Variants in SPAM1 observed in about 807,000 individuals in gnomAD.
The protein encoded by SPAM1 is hyaluronidase PH-20.
In SPAM1, 22 loss-of-function variants were observed where a neutral mutation model predicts 29.6. That is an observed-to-expected ratio of 0.74 (90% CI 0.53 to 1.06). The LOEUF is 1.06. Among genes scored for constraint, SPAM1 ranks in the 50% least tolerant of loss-of-function variants. SPAM1 has a pLI of 0.00. For missense variants in SPAM1, 534 were observed against 604.0 expected, an observed-to-expected ratio of 0.88 and a Z score of 1.21; for synonymous variants, 194 against 204.6, an observed-to-expected ratio of 0.95 and a Z score of 0.44.
At chr7:123,960,701 A>T (rs1057459224), downstream of SPAM1, among the ~76,000 whole-genome samples, 2 of 151,936 alleles carry the variant, frequency 1.3e-5, no homozygotes, top group Non-Finnish European at 2.9e-5. Context: ...AAACAAAAAG[A>T]GATGAAACCA....
intron 1 of SPAM1, among the ~76,000 whole-genome samples, chr7:123,928,548 C>A (rs963320853): frequency 6.6e-6 from 1 of 152,072 alleles, no homozygotes; most frequent in African/African-American, 2.4e-5. Flanking sequence ...AAGATGTAGG[C>A]GACGAAACAG....
intron 5 of SPAM1, among the ~76,000 whole-genome samples, chr7:123,969,336 G>A (rs1792468098): frequency 6.6e-6 from 1 of 151,970 alleles, no homozygotes; most frequent in Non-Finnish European, 1.5e-5. Context: ...TTGTGTTTTT[G>A]AGGTCTTAGC....
downstream of SPAM1, among the ~76,000 whole-genome samples, chr7:123,963,099 T>G (rs895298708): frequency 6.6e-5 from 10 of 151,878 alleles, no homozygotes; most frequent in Non-Finnish European, 1.5e-4. Flanking sequence ...TTGGCATACT[T>G]TTGCCAGGAT....
intron 1 of SPAM1, among the ~76,000 whole-genome samples, chr7:123,938,782 T>C (rs1808335709): frequency 6.6e-6 from 1 of 152,212 alleles, no homozygotes; most frequent in African/African-American, 2.4e-5. Flanking sequence ...TCATTATGGT[T>C]ATTATACTTT....
At chr7:123,945,801 T>G (rs1369694114) in intron 1 of SPAM1, among the ~76,000 whole-genome samples, 1 of 148,390 alleles carries the variant, frequency 6.7e-6, no homozygotes, top group Admixed American at 6.7e-5. Flanking sequence ...CAAGCCCCTG[T>G]TTTTTTTTTC....
intron 5 of SPAM1, among the ~76,000 whole-genome samples, chr7:123,969,155 G>A (rs1438302591): frequency 2.0e-5 from 3 of 151,906 alleles, no homozygotes; most frequent in Non-Finnish European, 4.4e-5. Context: ...TTACTGTTGA[G>A]TTGTTTGAGT....
At chr7:123,945,612 A>G (rs1003072472) in intron 1 of SPAM1, among the ~76,000 whole-genome samples, 7 of 152,132 alleles carry the variant, frequency 4.6e-5, no homozygotes, top group Admixed American at 3.3e-4. Flanking sequence ...AGAAAACAGA[A>G]CACCCCAAAA....
intron 1 of SPAM1, chr7:123,932,194 G>A (rs1808103034): frequency 6.6e-6 from 1 of 152,226 alleles, no homozygotes; most frequent in South Asian, 2.1e-4. Flanking sequence ...TCCCAAATTG[G>A]AGCAGCCACG....
chr7:123,966,554 G>A (rs546108031), intron 5 of SPAM1, among the ~76,000 whole-genome samples: 1 of 152,182 alleles, frequency 6.6e-6, no homozygotes, highest in East Asian at 1.9e-4. Flanking sequence ...TAAAGAAAAT[G>A]TGGTACATAT....
intron 1 of SPAM1, among the ~76,000 whole-genome samples, chr7:123,932,899 A>G (rs1808130636): frequency 6.6e-6 from 1 of 152,164 alleles, no homozygotes; most frequent in Non-Finnish European, 1.5e-5. Flanking sequence ...GTCCCAGCCA[A>G]TGATATCCCA....
downstream of SPAM1, among the ~76,000 whole-genome samples, chr7:123,962,829 A>G (rs1016137235): frequency 1.3e-5 from 2 of 151,908 alleles, no homozygotes; most frequent in Non-Finnish European, 2.9e-5. Flanking sequence ...ATTTGCTAAT[A>G]ATATGGAAGC....
chr7:123,970,798 A>C (rs967125207), intron 6 of SPAM1, among the ~76,000 whole-genome samples: 3 of 152,082 alleles, frequency 2.0e-5, no homozygotes, highest in Admixed American at 6.6e-5. Context: ...ATTCTATTCC[A>C]TAATTTTGTG....
intron 4 of SPAM1, among the ~76,000 whole-genome samples, chr7:123,956,552 C>T (rs1181596539): frequency 1.3e-5 from 2 of 151,934 alleles, no homozygotes; most frequent in South Asian, 4.1e-4. Context: ...CTACTGCTCC[C>T]AGCTGAGACC....
intron 2 of SPAM1, among the ~76,000 whole-genome samples, chr7:123,952,013 G>A (rs1792106460): frequency 6.6e-6 from 1 of 152,116 alleles, no homozygotes; most frequent in Non-Finnish European, 1.5e-5. Flanking sequence ...TGAGATACAG[G>A]GAAAGCTAAT....
intron 1 of SPAM1, among the ~76,000 whole-genome samples, chr7:123,938,038 T>C (rs999753593): frequency 3.9e-5 from 6 of 152,114 alleles, no homozygotes; most frequent in Non-Finnish European, 7.4e-5. Context: ...GCTGGGAAGA[T>C]GTTTGATTGC....
intron 1 of SPAM1, among the ~76,000 whole-genome samples, chr7:123,933,458 A>C (rs1808153045): frequency 6.6e-6 from 1 of 152,220 alleles, no homozygotes; most frequent in South Asian, 2.1e-4. Context: ...TACTTTTAAA[A>C]CAAAAATGTT....
intron 4 of SPAM1, among the ~76,000 whole-genome samples, chr7:123,955,813 A>G (rs1425695035): frequency 1.3e-5 from 2 of 152,002 alleles, no homozygotes; most frequent in African/African-American, 2.4e-5. Flanking sequence ...GATCTCTAAT[A>G]TAAAGAAATA....
intron 1 of SPAM1, among the ~76,000 whole-genome samples, chr7:123,947,390 A>C (rs1808611218): frequency 1.3e-5 from 2 of 152,036 alleles, no homozygotes; most frequent in African/African-American, 4.8e-5. Flanking sequence ...CTCTATAAAA[A>C]ATTTTAAAAA....
At chr7:123,958,347 A>G (rs558249486) in intron 4 of SPAM1, among the ~76,000 whole-genome samples, 2 of 152,050 alleles carry the variant, frequency 1.3e-5, no homozygotes, top group African/African-American at 4.8e-5. Flanking sequence ...AGAACATACC[A>G]GTCTCAAGAT....
Sources: allele counts gnomAD v4.1 joint callset (sites outside exome capture counted in the v4.1 genomes callset), GRCh38; gene constraint gnomAD v4.1.1; transcripts MANE v1.5; gene names NCBI Gene and HGNC (gene_info 2026-07-23, HGNC 2026-07-21).